CCDC148: variants seen among roughly 807,000 people sequenced by gnomAD.
CCDC148 encodes the protein coiled-coil domain containing 148.
In CCDC148, 89 loss-of-function variants were observed where a neutral mutation model predicts 85.7. The observed-to-expected ratio is 1.04, with a 90% CI of 0.87 to 1.24. The LOEUF (loss-of-function observed/expected upper bound fraction) is 1.24. CCDC148 is among the 50% of genes most tolerant of loss of function. The pLI, the probability that CCDC148 is intolerant of heterozygous loss-of-function variation, is 0.00. For missense variants in CCDC148, 692 were observed against 671.7 expected, an observed-to-expected ratio of 1.03 and a Z score of -0.33; for synonymous variants, 230 against 213.9, an observed-to-expected ratio of 1.08 and a Z score of -0.66.
intron 7 of CCDC148, among the ~76,000 whole-genome samples, chr2:158,335,753 G>A (rs1682342539): frequency 1.3e-5 from 2 of 152,014 alleles, no homozygotes; most frequent in Non-Finnish European, 2.9e-5. Flanking sequence ...TGGGGACACA[G>A]CCAAACCATA....
intron 1 of CCDC148, among the ~76,000 whole-genome samples, chr2:158,371,018 T>G (rs1397072449): frequency 6.6e-6 from 1 of 152,018 alleles, no homozygotes; most frequent in Non-Finnish European, 1.5e-5. Flanking sequence ...GAGCATAATT[T>G]CTAAATTTTT....
rs553558592 is a variant in CCDC148 at position 158,281,370 on chromosome 2, T to C, written c.1110+28063A>G. On this transcript the variant is annotated intron_variant, in intron 9 of 13. Transcript: ENST00000283233. ...TTCTTGAAAGGATCAACAAAATTGA[T>C]AGACCGCTGGCAGACTAATAAAGTA... Among the ~76,000 whole-genome samples, 149 of 152,160 alleles carry C rather than the reference T, an allele frequency of 9.8e-4. 5 individuals carry two copies. In the South Asian group the frequency reaches 0.028, roughly 29 times the overall value.
intron 11 of CCDC148, among the ~76,000 whole-genome samples, chr2:158,215,524 G>A (rs1686802177): frequency 6.6e-6 from 1 of 151,686 alleles, no homozygotes; most frequent in African/African-American, 2.4e-5. Flanking sequence ...ACAGAAGGAG[G>A]CACCTTTTTC....
At chr2:158,259,988 C>T (rs1689153519) in intron 9 of CCDC148, among the ~76,000 whole-genome samples, 1 of 151,990 alleles carries the variant, frequency 6.6e-6, no homozygotes, top group South Asian at 2.1e-4. Flanking sequence ...TACACCCCTC[C>T]TAGTGACTTT....
At chr2:158,374,521 G>A (rs1004582806) in intron 1 of CCDC148, among the ~76,000 whole-genome samples, 3 of 151,714 alleles carry the variant, frequency 2.0e-5, no homozygotes, top group Admixed American at 6.6e-5. Context: ...TCTCTTGTGC[G>A]TGCGCTCTCT....
chr2:158,410,414 G>A (rs1016068038), intron 1 of CCDC148, among the ~76,000 whole-genome samples: 6 of 151,984 alleles, frequency 3.9e-5, no homozygotes, highest in Non-Finnish European at 8.8e-5. Context: ...TGCCTGTTTT[G>A]CACTTGCCTC....
At chr2:158,332,515 C>A (rs1293868487) in intron 7 of CCDC148, among the ~76,000 whole-genome samples, 2 of 144,274 alleles carry the variant, frequency 1.4e-5, no homozygotes, top group Non-Finnish European at 3.0e-5. Flanking sequence ...GTGTCTCTGC[C>A]AGGTTTTGGT....
chr2:158,358,206 A>T (rs1683758237), intron 2 of CCDC148, among the ~76,000 whole-genome samples: 1 of 152,200 alleles, frequency 6.6e-6, no homozygotes, highest in Non-Finnish European at 1.5e-5. Context: ...AAAAAAATAA[A>T]GTTGAATTCA....
chr2:158,454,203 G>T (rs1688512146), intron 1 of CCDC148, among the ~76,000 whole-genome samples: 1 of 152,186 alleles, frequency 6.6e-6, no homozygotes, highest in Admixed American at 6.5e-5. Flanking sequence ...GAAACCTCAA[G>T]AAATTCCCTT....
chr2:158,419,335 T>G (rs562213540), intron 1 of CCDC148, among the ~76,000 whole-genome samples: 2 of 152,306 alleles, frequency 1.3e-5, no homozygotes, highest in East Asian at 3.9e-4. Context: ...AAAAAACCTT[T>G]TTTTACAAGA....
At chr2:158,332,392 G>A (rs1693179671) in intron 7 of CCDC148, among the ~76,000 whole-genome samples, 1 of 148,976 alleles carries the variant, frequency 6.7e-6, no homozygotes, top group South Asian at 2.1e-4. Context: ...ATTCTCATGG[G>A]CTTCCCCTTG....
At chr2:158,355,883 T>C (rs1683603933) in intron 2 of CCDC148, among the ~76,000 whole-genome samples, 1 of 132,592 alleles carries the variant, frequency 7.5e-6, no homozygotes, top group South Asian at 2.3e-4. Context: ...AAAACAGAGA[T>C]ATAGATCAAT....
intron 9 of CCDC148, among the ~76,000 whole-genome samples, chr2:158,273,396 T>A (rs1689785369): frequency 6.6e-6 from 1 of 152,214 alleles, no homozygotes; most frequent in Non-Finnish European, 1.5e-5. Flanking sequence ...AAAAATGTTA[T>A]TGCCTCCTCA....
At position 158,358,514 on chromosome 2, in the gene CCDC148, C is replaced by T; in HGVS notation, c.82G>A (p.Asp28Asn). The T allele has an allele frequency of 6.2e-7, 1 of 1,608,326 alleles. No homozygotes were observed. The highest frequency in any genetic ancestry group is 8.5e-7 in the Non-Finnish European group (1 of 1,178,074). The change falls in exon 2 of 14, where the codon GAC becomes AAC. Residue 28 changes from aspartate to asparagine, a missense_variant. Asp to Asn is a conservative substitution (Grantham distance 23). Coordinates refer to ENST00000283233, the MANE Select transcript of CCDC148 (RefSeq NM_138803.4). ...EMRNIKYKPVDYQQLRALTEA... is the reference protein window; with the variant it reads ...EMRNIKYKPVNYQQLRALTEA... ...GTTAATGCACGCAATTGTTGATAGT[C>T]TACTGGTTTGTACTTGATGTTTCTC...
intron 9 of CCDC148, among the ~76,000 whole-genome samples, chr2:158,266,952 G>GTA (rs748291864): frequency 1.2e-3 from 181 of 147,968 alleles, no homozygotes; most frequent in African/African-American, 3.4e-3. Flanking sequence ...ATGTGTGTGT[G>GTA]TATATATATA....
chr2:158,179,796 T>G (rs192561843), intron 11 of CCDC148, among the ~76,000 whole-genome samples: 2 of 152,214 alleles, frequency 1.3e-5, no homozygotes, highest in African/African-American at 4.8e-5. Flanking sequence ...ACTTTCTGAG[T>G]AGGTGCGTAT....
At chr2:158,345,152 T>G in intron 3 of CCDC148, 63 bp downstream of exon 3, 1 of 1,141,808 alleles carries the variant, frequency 8.8e-7, no homozygotes, top group Admixed American at 2.1e-5. Flanking sequence ...ATAGAACATC[T>G]GACAAGATAA....
intron 1 of CCDC148, among the ~76,000 whole-genome samples, chr2:158,438,637 A>T (rs1287722382): frequency 1.3e-5 from 2 of 152,308 alleles, no homozygotes; most frequent in Non-Finnish European, 2.9e-5. Flanking sequence ...GATCTAATTA[A>T]ACTAAAGAGC....
At chr2:158,330,537 A>T (rs1693044539) in intron 7 of CCDC148, among the ~76,000 whole-genome samples, 1 of 152,158 alleles carries the variant, frequency 6.6e-6, no homozygotes, top group South Asian at 2.1e-4. Context: ...TGAGTTAGGG[A>T]GGATTCCCTC....
Sources: allele counts gnomAD v4.1 joint callset (sites outside exome capture counted in the v4.1 genomes callset), GRCh38; gene constraint gnomAD v4.1.1; transcripts MANE v1.5; gene names NCBI Gene and HGNC (gene_info 2026-07-23, HGNC 2026-07-21).